HAPLN1: variants seen among roughly 807,000 people sequenced by gnomAD.
HAPLN1 encodes the protein hyaluronan and proteoglycan link protein 1, also known as Cartilage link protein.
HAPLN1 carries 13 observed loss-of-function variants against 36.5 expected under a neutral mutation model. The observed-to-expected ratio is 0.36, with a 90% CI of 0.23 to 0.57. The LOEUF (loss-of-function observed/expected upper bound fraction) is 0.57. Ranked by LOEUF, HAPLN1 falls within the 20% of genes least tolerant of loss-of-function variation. The pLI is 0.83. For synonymous variants in HAPLN1, 202 were observed against 169.8 expected, an observed-to-expected ratio of 1.19 and a Z score of -1.48; for missense variants, 407 against 439.7, an observed-to-expected ratio of 0.93 and a Z score of 0.66.
intron 1 of HAPLN1, among the ~76,000 whole-genome samples, chr5:83,703,218 C>G (rs1422971245): frequency 6.6e-6 from 1 of 152,142 alleles, no homozygotes; most frequent in African/African-American, 2.4e-5. Context: ...ACCACTGCCC[C>G]CTGCTCCTGG....
At position 83,687,299 on chromosome 5, in the gene HAPLN1, A is replaced by G. The variant is rs79368410; in HGVS notation, c.-26-13750T>C. On this transcript the variant is annotated intron_variant, in intron 1 of 4. Coordinates refer to ENST00000274341, the MANE Select transcript of HAPLN1 (RefSeq NM_001884.4). The stretch of plus-strand genomic sequence containing the variant: ...CATGGAGGAGAATACAGTAGTCTTC[A>G]GTTACGAACCTCTTGACCACAATTT... Among the ~76,000 whole-genome samples the G allele has an allele frequency of 1.2e-4, 19 of 152,340 alleles. No homozygotes were observed. In the East Asian group the frequency reaches 3.5e-3, roughly 28 times the overall value.
At chr5:83,648,841 T>A (rs1202034195) in intron 3 of HAPLN1, among the ~76,000 whole-genome samples, 1 of 152,170 alleles carries the variant, frequency 6.6e-6, no homozygotes, top group Non-Finnish European at 1.5e-5. Flanking sequence ...AGAAGGTATG[T>A]CTTTTGCCGT....
At chr5:83,642,976 C>A (rs904565829) in intron 4 of HAPLN1, among the ~76,000 whole-genome samples, 1 of 152,080 alleles carries the variant, frequency 6.6e-6, no homozygotes, top group Admixed American at 6.5e-5. Context: ...GCCTTTGCAG[C>A]AGACACCATA....
At chr5:83,667,145 G>A (rs147711144) in intron 2 of HAPLN1, among the ~76,000 whole-genome samples, 1 of 152,236 alleles carries the variant, frequency 6.6e-6, no homozygotes, top group East Asian at 1.9e-4. Context: ...TAAATAAGTT[G>A]TCTATAGGTG....
At position 83,641,804 on chromosome 5, in the gene HAPLN1, A is replaced by G; in HGVS notation, c.776-19T>C. On this transcript the variant is annotated intron_variant, in intron 4 of 4. Transcript: ENST00000274341. ...AAACGGCCTGTAGAGAAAAGGAGAC[A>G]GAGTCAATGGGCTGGTCTTCAATTG... 4 of 1,608,162 alleles carry G rather than the reference A, an allele frequency of 2.5e-6. No homozygotes were observed. The highest frequency in any genetic ancestry group is 3.4e-6 in the Non-Finnish European group (4 of 1,175,876).
chr5:83,651,812 G>T (rs1487125050), intron 3 of HAPLN1, among the ~76,000 whole-genome samples: 2 of 152,118 alleles, frequency 1.3e-5, no homozygotes, highest in Non-Finnish European at 2.9e-5. Context: ...GGCAAGGATG[G>T]CAAGGACACT....
At chr5:83,647,803 A>G (rs575392110) in intron 3 of HAPLN1, among the ~76,000 whole-genome samples, 1 of 152,354 alleles carries the variant, frequency 6.6e-6, no homozygotes, top group East Asian at 1.9e-4. Flanking sequence ...TAATAATTAC[A>G]TAAAGTAAAT....
chr5:83,677,506 C>T (rs1260979496), intron 1 of HAPLN1, among the ~76,000 whole-genome samples: 2 of 152,186 alleles, frequency 1.3e-5, no homozygotes, highest in Non-Finnish European at 2.9e-5. Context: ...ACTGGATGTC[C>T]AGCCAAGACC....
intron 1 of HAPLN1, among the ~76,000 whole-genome samples, chr5:83,681,994 G>C (rs1429862439): frequency 6.6e-6 from 1 of 152,118 alleles, no homozygotes; most frequent in East Asian, 1.9e-4. Context: ...CTAGCACTAG[G>C]GTTTATATGG....
chr5:83,700,082 T>C (rs2112628209), intron 1 of HAPLN1, among the ~76,000 whole-genome samples: 1 of 151,538 alleles, frequency 6.6e-6, no homozygotes, highest in South Asian at 2.1e-4. Flanking sequence ...TAGTCCCAGT[T>C]ACTTGGGAGG....
At chr5:83,720,237 ATCT>A (rs1229395999) in intron 1 of HAPLN1, among the ~76,000 whole-genome samples, 5 of 152,236 alleles carry the variant, frequency 3.3e-5, no homozygotes, top group Non-Finnish European at 5.9e-5. Flanking sequence ...TCATTCTATG[ATCT>A]TAAGTTCATA....
chr5:83,702,793 AG>A (rs144580019), intron 1 of HAPLN1, among the ~76,000 whole-genome samples: 2,634 of 151,614 alleles, frequency 0.017, 89 homozygotes, highest in African/African-American at 0.061. Flanking sequence ...GCTGGAGTGC[AG>A]CGGAGCAATT....
intron 1 of HAPLN1, among the ~76,000 whole-genome samples, chr5:83,673,912 A>C (rs1009717621): frequency 2.0e-5 from 3 of 152,268 alleles, no homozygotes; most frequent in Admixed American, 2.0e-4. Context: ...ATAAGTTAAT[A>C]AAACAGCAAT....
In HAPLN1 at chr5:83,644,537, C is replaced by T. The variant is rs368955815; in HGVS notation, c.601G>A (p.Gly201Arg). The T allele has an allele frequency of 9.3e-6, 15 of 1,610,208 alleles. No individual in the cohort carries two copies. Among genetic ancestry groups the T allele is most frequent in the Middle Eastern group, 1.7e-4 (1 of 6,048 alleles). Residue 201 changes from glycine (G) to arginine (R), a missense_variant, in exon 4 of 5, where the codon GGG becomes AGG. Physicochemically the swap from Gly to Arg is moderately radical, Grantham distance 125. Transcript: ENST00000274341. ...CAGCCGGCATTGCACCAGTCCAGCC[C>T]GCCCCGCCAGGCGTCGTACAGCTGG... ...FDQLYDAWRG[G>R]LDWCNAGWLS...
intron 1 of HAPLN1, among the ~76,000 whole-genome samples, chr5:83,676,630 T>C (rs540259103): frequency 6.6e-6 from 1 of 152,328 alleles, no homozygotes; most frequent in East Asian, 1.9e-4. Flanking sequence ...TAAATAAATC[T>C]GAGTCCTGCT....
At position 83,638,977 on chromosome 5, in the gene HAPLN1, C is replaced by T. The variant is rs1440682531; in HGVS notation, c.*2519G>A. 1.3e-5 allele frequency: 2 copies of T among 152,018 alleles called. No individual in the cohort carries two copies. The highest frequency in any genetic ancestry group is 6.6e-5 in the Admixed American group (1 of 15,266). 9.4% of individuals were successfully genotyped at this position (152,018 alleles called of 1,614,324 possible). ...ATTAAAACAAGGGTTCCTGGCCCAG[C>T]CTCCCATCTAATCTCTTTGATACTC... On this transcript the variant is annotated 3_prime_UTR_variant, in exon 5 of 5. Transcript: ENST00000274341.
chr5:83,678,250 T>TGTGTGTGTGTGTG (rs1561313858), intron 1 of HAPLN1, among the ~76,000 whole-genome samples: 6 of 151,052 alleles, frequency 4.0e-5, no homozygotes, highest in Admixed American at 6.6e-5. Flanking sequence ...TGTGTGTGTG[T>TGTGTGTGTGTGTG]TTTAATTAAA....
Position 83,648,395 on chromosome 5 carries a change from CTATATATATA to C in HAPLN1, c.473-3740_473-3731del, listed in dbSNP as rs56115447. ...GGATGTGGCCTCTTCCTATATTTGA[CTATATATATA>C]TATATATATATATATATATATATAT... is the stretch of plus-strand genomic sequence containing the variant. On this transcript the variant is annotated intron_variant, in intron 3 of 4. Transcript: ENST00000274341. 9.9e-3 allele frequency among the ~76,000 whole-genome samples: 600 copies of C among 60,656 alleles called. 12 individuals carry two copies. Among genetic ancestry groups the C allele is most frequent in the Middle Eastern group, 0.068 (8 of 118 alleles). The allele number at this position is 60,656 out of a possible 152,430, so 39.8% of individuals were successfully genotyped here.
At chr5:83,705,345 G>T (rs549129573) in intron 1 of HAPLN1, among the ~76,000 whole-genome samples, 1 of 128,606 alleles carries the variant, frequency 7.8e-6, no homozygotes, top group South Asian at 2.4e-4. Context: ...AGCCGAGATC[G>T]CACCATTACA....
Sources: allele counts gnomAD v4.1 joint callset (sites outside exome capture counted in the v4.1 genomes callset), GRCh38; gene constraint gnomAD v4.1.1; transcripts MANE v1.5; gene names NCBI Gene and HGNC (gene_info 2026-07-23, HGNC 2026-07-21).